Variants in ANXA11 observed in about 807,000 individuals in gnomAD.
ANXA11 encodes the protein 56 kDa autoantigen.
Under a neutral mutation model 64.7 loss-of-function variants are expected in ANXA11, and 57 were observed. The ratio of observed to expected loss-of-function variants is 0.88; its 90% confidence interval spans 0.71 to 1.10. The LOEUF (loss-of-function observed/expected upper bound fraction) is 1.10, where lower values mean the gene tolerates loss of function less well. ANXA11 is among the 50% of genes least tolerant of loss of function. ANXA11 has a pLI of 0.00. For synonymous variants in ANXA11, 260 were observed against 265.2 expected (o/e 0.98, Z 0.19); for missense variants, 675 against 670.7 (o/e 1.01, Z -0.07).
At chr10:80,167,538 G>A (rs1472635125) in intron 5 of ANXA11, among the ~76,000 whole-genome samples, 1 of 152,164 alleles carries the variant, frequency 6.6e-6, no homozygotes, top group Non-Finnish European at 1.5e-5. Context: ...TCCAGTGGCT[G>A]GGAGCTCACC....
chr10:80,186,970 G>T (rs1846564373), intron 1 of ANXA11, among the ~76,000 whole-genome samples: 1 of 152,232 alleles, frequency 6.6e-6, no homozygotes, highest in African/African-American at 2.4e-5. Flanking sequence ...TTTCTGAGGA[G>T]TGGAAAGTGG....
intron 1 of ANXA11, among the ~76,000 whole-genome samples, chr10:80,202,048 C>T (rs1318702492): frequency 3.9e-5 from 6 of 152,220 alleles, no homozygotes; most frequent in Non-Finnish European, 8.8e-5. Context: ...CACACTCCAC[C>T]CTCTGCTTCA....
At position 80,187,563 on chromosome 10, in the gene ANXA11, ACACACACT is replaced by A. The variant is rs1216350755; in HGVS notation, c.-57-11416_-57-11409del. On this transcript the variant is annotated intron_variant, in intron 1 of 15. Transcript: ENST00000422982. The stretch of plus-strand genomic sequence containing the variant: ...CGCGCGTGCACACACACACACACAC[ACACACACT>A]CTCTCTCTCTCTCACACACTCCCAA... Among the ~76,000 whole-genome samples, 5 of 148,678 alleles carry A rather than the reference ACACACACT, an allele frequency of 3.4e-5. No individual in the cohort carries two copies. The South Asian group carries it at 8.9e-4, about 27-fold the overall frequency.
At position 80,151,325 on chromosome 10, in the gene ANXA11, G is replaced by C. The variant is rs1430180723; in HGVS notation, c.*4528C>G. On this transcript the variant is annotated 3_prime_UTR_variant, in exon 16 of 16. Coordinates refer to ENST00000422982, the MANE Select transcript of ANXA11 (RefSeq NM_145868.2). ...TAAGAGTCCTTGGTATACCTGGTGG[G>C]CTTGACTGACTCCTTTACTGACAGG... The C allele has an allele frequency of 6.6e-6, 1 of 152,190 alleles. No individual in the cohort carries two copies. The highest frequency in any genetic ancestry group is 1.9e-4 in the East Asian group (1 of 5,184). 9.4% of individuals were successfully genotyped at this position (152,190 alleles called of 1,614,324 possible).
intron 1 of ANXA11, among the ~76,000 whole-genome samples, chr10:80,184,185 A>T (rs754177787): frequency 1.3e-5 from 2 of 152,174 alleles, no homozygotes; most frequent in African/African-American, 2.4e-5. Flanking sequence ...GACATCATAT[A>T]TTATTTCATC....
intron 12 of ANXA11, among the ~76,000 whole-genome samples, chr10:80,160,949 T>C (rs918321183): frequency 6.6e-6 from 1 of 152,090 alleles, no homozygotes; most frequent in African/African-American, 2.4e-5. Context: ...TCAGCAAACA[T>C]GGCCGGAACC....
In ANXA11 at chr10:80,163,559, TG is replaced by T; in HGVS notation, c.1003del (p.Gln335SerfsTer58). On this transcript the variant is annotated frameshift_variant, in exon 10 of 16. Transcript: ENST00000422982. LOFTEE classifies it high-confidence loss of function. ...AIRSDTSGHF[Q>X]RLLISLSQGN... ...CTGAGAGAGAGAGATGAGGAGCCGC[TG>T]GAAGTGCCCTGATGTGTCGCTTCGA... 6.3e-7 allele frequency: 1 copy of T among 1,574,898 alleles called. No individual in the cohort carries two copies. Among genetic ancestry groups the T allele is most frequent in the Non-Finnish European group, 8.6e-7 (1 of 1,159,380 alleles).
At chr10:80,188,480 C>T (rs1383647360) in intron 1 of ANXA11, among the ~76,000 whole-genome samples, 10 of 100,596 alleles carry the variant, frequency 9.9e-5, no homozygotes, top group East Asian at 3.3e-4. Context: ...AGTATTCTCA[C>T]ATATATATAT....
At chr10:80,203,766 C>A (rs1046113593) in intron 1 of ANXA11, among the ~76,000 whole-genome samples, 2 of 152,168 alleles carry the variant, frequency 1.3e-5, no homozygotes, top group Non-Finnish European at 2.9e-5. Flanking sequence ...CCGGATGGCT[C>A]CCAGGAGGGT....
intron 1 of ANXA11, among the ~76,000 whole-genome samples, chr10:80,177,533 G>A (rs535633403): frequency 6.6e-6 from 1 of 152,166 alleles, no homozygotes; most frequent in Admixed American, 6.5e-5. Flanking sequence ...CTCTCTCTCA[G>A]CTTTGTTTTA....
At position 80,171,762 on chromosome 10, in the gene ANXA11, T is replaced by G. The variant is rs369804386; in HGVS notation, c.56-847A>C. On this transcript the variant is annotated intron_variant, in intron 3 of 15. Coordinates refer to ENST00000422982, the MANE Select transcript of ANXA11 (RefSeq NM_145868.2). The stretch of plus-strand genomic sequence containing the variant: ...CAGGAAGAACCTTCCCTAAATTTCC[T>G]GCCTCCTCCTCTCTTGCTGCTCAGA... 2.0e-5 allele frequency: 20 copies of G among 985,550 alleles called. No individual in the cohort carries two copies. The African/African-American group carries it at 2.8e-4, about 14-fold the overall frequency. The allele number at this position is 985,550 out of a possible 1,614,324, so 61.1% of individuals were successfully genotyped here.
intron 1 of ANXA11, among the ~76,000 whole-genome samples, chr10:80,188,776 C>T (rs552172015): frequency 2.6e-4 from 40 of 152,224 alleles, no homozygotes; most frequent in African/African-American, 9.6e-4. Flanking sequence ...ACTCTGTGAC[C>T]AACACGCCTA....
chr10:80,153,312 GT>G lies in ANXA11; in HGVS notation c.*2540del, dbSNP rs1207007614. On this transcript the variant is annotated 3_prime_UTR_variant, in exon 16 of 16. Coordinates refer to ENST00000422982, the MANE Select transcript of ANXA11 (RefSeq NM_145868.2). ...AGCCCCATAGTGCCAGAATTTCTGA[GT>G]TTTCAAGAGAAGCCAGAATTCCAGA... is the stretch of plus-strand genomic sequence containing the variant. The G allele has an allele frequency of 6.6e-6, 1 of 152,224 alleles. No homozygotes were observed. The highest frequency in any genetic ancestry group is 1.5e-5 in the Non-Finnish European group (1 of 68,036). 9.4% of individuals were successfully genotyped at this position (152,224 alleles called of 1,614,324 possible). A position where few individuals can be genotyped will look rare whatever the true frequency, so the allele number is the denominator to read the frequency against.
At position 80,166,909 on chromosome 10, in the gene ANXA11, AAGGAAAGT is replaced by A. The variant is rs1285218916; in HGVS notation, c.717_724del (p.Leu240GlnfsTer15). On this transcript the variant is annotated frameshift_variant, in exon 7 of 16. Coordinates refer to ENST00000422982, the MANE Select transcript of ANXA11 (RefSeq NM_145868.2). LOFTEE classifies it high-confidence loss of function. ...GCTCGCCTTGCCGTAAGCCGTCTTG[AAGGAAAGT>A]AGGATCTGCTGCCGCTGCTTGTTGG... is the stretch of plus-strand genomic sequence containing the variant. The A allele has an allele frequency of 6.2e-7, 1 of 1,608,306 alleles. No individual in the cohort carries two copies. The highest frequency in any genetic ancestry group is 1.1e-5 in the South Asian group (1 of 90,090).
rs1406583086 is a variant in ANXA11, at chr10:80,159,160, T to C, written c.1216A>G (p.Ile406Val). ...NEYQRMTGRD[I>V]EKSICREMSG... ...ATCTCCCGGCAGATGCTCTTCTCAA[T>C]GTCCCGGCCTGTCATTCTCTGGTAC... The change falls in exon 13 of 16, where the codon ATT becomes GTT. Residue 406 changes from isoleucine to valine, a missense_variant. Physicochemically the swap from Ile to Val is conservative, Grantham distance 29. Coordinates refer to ENST00000422982, the MANE Select transcript of ANXA11 (RefSeq NM_145868.2). 1.2e-6 allele frequency: 2 copies of C among 1,614,106 alleles called. No individual in the cohort carries two copies. Among genetic ancestry groups the C allele is most frequent in the Admixed American group, 1.7e-5 (1 of 60,016 alleles).
chr10:80,173,500 G>C (rs1022836002), intron 2 of ANXA11, among the ~76,000 whole-genome samples: 1 of 152,252 alleles, frequency 6.6e-6, no homozygotes, highest in Admixed American at 6.5e-5. Context: ...AGAGGCTGCT[G>C]ATTAAGAGAA....
chr10:80,161,883 C>G, intron 12 of ANXA11, 52 bp downstream of exon 12: 3 of 1,472,772 alleles, frequency 2.0e-6, no homozygotes, highest in South Asian at 1.1e-5. Flanking sequence ...TCCCCACAAT[C>G]CCCTGACTGC....
intron 7 of ANXA11, 149 bp downstream of exon 7, chr10:80,166,741 A>T: frequency 1.5e-6 from 1 of 661,380 alleles, no homozygotes; most frequent in South Asian, 1.8e-5. Context: ...CAACGATGCC[A>T]CCAGCTGGAT....
intron 1 of ANXA11, among the ~76,000 whole-genome samples, chr10:80,180,488 A>G (rs1282876038): frequency 6.6e-6 from 1 of 151,240 alleles, no homozygotes; most frequent in Non-Finnish European, 1.5e-5. Context: ...GCCTAGAAAC[A>G]TCATCTCGGG....
Sources: allele counts gnomAD v4.1 joint callset (sites outside exome capture counted in the v4.1 genomes callset), GRCh38; gene constraint gnomAD v4.1.1; transcripts MANE v1.5; gene names NCBI Gene and HGNC (gene_info 2026-07-23, HGNC 2026-07-21).